CLTB: variants seen among roughly 807,000 people sequenced by gnomAD.
CLTB encodes the protein clathrin light chain B, also known as clathrin, light chain (Lcb).
Under a neutral mutation model 30.5 loss-of-function variants are expected in CLTB, and 10 were observed. The ratio of observed to expected loss-of-function variants is 0.33; its 90% CI spans 0.20 to 0.56. The LOEUF (loss-of-function observed/expected upper bound fraction) is 0.56, where lower values mean the gene tolerates loss of function less well. Ranked by LOEUF, CLTB falls within the 20% of genes least tolerant of loss-of-function variation. The pLI is 0.91. For missense variants in CLTB, 261 were observed against 308.3 expected (o/e 0.85, Z 1.15); for synonymous variants, 102 against 120.3 (o/e 0.85, Z 1.00).
intron 2 of CLTB, among the ~76,000 whole-genome samples, chr5:176,407,363 T>TG (rs1456250477): frequency 1.3e-5 from 2 of 152,194 alleles, no homozygotes; most frequent in Non-Finnish European, 2.9e-5. Context: ...TGGAGTGCAG[T>TG]GTGCGATCTC....
At chr5:176,408,750 G>A (rs1285319214) in intron 2 of CLTB, among the ~76,000 whole-genome samples, 1 of 152,168 alleles carries the variant, frequency 6.6e-6, no homozygotes, top group Non-Finnish European at 1.5e-5. Context: ...CAAACTCCTG[G>A]ATTCACATGA....
At chr5:176,401,760 G>A (rs1171166153) in intron 2 of CLTB, 13 of 456,086 alleles carry the variant, frequency 2.9e-5, no homozygotes, top group East Asian at 6.9e-5. Flanking sequence ...TGAAAACAGC[G>A]ACACTGAACA....
chr5:176,414,273 A>C (rs1757585495), intron 1 of CLTB, among the ~76,000 whole-genome samples: 1 of 152,072 alleles, frequency 6.6e-6, no homozygotes, highest in Non-Finnish European at 1.5e-5. Context: ...TGGGGCAGGC[A>C]TTTCTTAGGA....
At chr5:176,395,369 G>A (rs761602643) in intron 5 of CLTB, among the ~76,000 whole-genome samples, 3 of 152,216 alleles carry the variant, frequency 2.0e-5, no homozygotes, top group Non-Finnish European at 4.4e-5. Flanking sequence ...TGAGCACGGT[G>A]AGGGGGGCGG....
Position 176,393,025 on chromosome 5 carries a change from G to C in CLTB, c.519-80C>G. 3.3e-6 allele frequency: 5 copies of C among 1,507,542 alleles called. No homozygotes were observed. The South Asian group carries it at 5.8e-5, about 17-fold the overall frequency. 93.4% of individuals were successfully genotyped at this position (1,507,542 alleles called of 1,614,324 possible). ...CCCTTGAGCAAGGCTGCTTTGCCCAGCCTACTCTGGGGCACTGTGTCCTCC... is the reference window on the plus strand; with the variant it reads ...CCCTTGAGCAAGGCTGCTTTGCCCACCCTACTCTGGGGCACTGTGTCCTCC... On this transcript the variant is annotated intron_variant, in intron 5 of 5. Transcript: ENST00000310418. This position sits in a 1 kb window ranked among gnomAD's most constrained non-coding sequence, Gnocchi z 4.4.
chr5:176,413,345 C>A (rs370956640), intron 1 of CLTB, among the ~76,000 whole-genome samples: 1 of 152,214 alleles, frequency 6.6e-6, no homozygotes, highest in East Asian at 1.9e-4. Context: ...TGGGCTTGCC[C>A]AGAACTGACA....
At chr5:176,414,624 G>A (rs750228317) in intron 1 of CLTB, among the ~76,000 whole-genome samples, 4 of 152,028 alleles carry the variant, frequency 2.6e-5, no homozygotes, top group Non-Finnish European at 5.9e-5. Context: ...TGTATGTTTT[G>A]TAGAGATGGG....
In CLTB at chr5:176,392,862, A is replaced by C. The variant is rs1299982666; in HGVS notation, c.602T>G (p.Phe201Cys). Residue 201 changes from phenylalanine (F) to cysteine (C), a missense_variant, in exon 6 of 6, where the codon TTC becomes TGC. Physicochemically the swap from Phe to Cys is radical, Grantham distance 205. Around this residue, in one of 3 missense-constraint regions of CLTB, gnomAD observed 25 missense variants for 48.8 expected, o/e 0.51. Coordinates refer to ENST00000310418, the MANE Select transcript of CLTB (RefSeq NM_007097.5). The surrounding 1 kb of genome is among the most constrained non-coding windows in gnomAD (Gnocchi z 5.2). ...EWEKVAQLCD[F>C]NPKSSKQCKD... ...GCACTGCTTGCTGCTCTTGGGGTTG[A>C]AGTCACATAGCTGGGCCACCTTCTC... The C allele has an allele frequency of 6.2e-7, 1 of 1,614,168 alleles. No individual in the cohort carries two copies. Among genetic ancestry groups the C allele is most frequent in the Non-Finnish European group, 8.5e-7 (1 of 1,180,010 alleles).
intron 2 of CLTB, among the ~76,000 whole-genome samples, chr5:176,403,747 C>G (rs1017792272): frequency 6.6e-6 from 1 of 150,886 alleles, no homozygotes; most frequent in East Asian, 2.0e-4. Flanking sequence ...CCACGGTGCC[C>G]GGCCTGTTTT....
At chr5:176,405,324 A>G (rs1269902443) in intron 2 of CLTB, among the ~76,000 whole-genome samples, 19 of 151,964 alleles carry the variant, frequency 1.3e-4, no homozygotes, top group Admixed American at 1.2e-3. Flanking sequence ...CCACATCTCC[A>G]TAAAAAAATT....
intron 2 of CLTB, among the ~76,000 whole-genome samples, chr5:176,400,083 C>A (rs1322919165): frequency 6.6e-6 from 1 of 150,800 alleles, no homozygotes; most frequent in Non-Finnish European, 1.5e-5. Context: ...CCCACCTACT[C>A]GGGAGGCTGA....
At chr5:176,410,421 C>G in intron 1 of CLTB, 118 bp from the exon 2 acceptor site, 1 of 728,726 alleles carries the variant, frequency 1.4e-6, no homozygotes, top group Non-Finnish European at 2.4e-6. Flanking sequence ...TATCGACCCA[C>G]ATGCAAACAG....
chr5:176,393,550 G>A lies in CLTB; in HGVS notation c.519-605C>T, dbSNP rs543442706. On this transcript the variant is annotated intron_variant, in intron 5 of 5. Transcript: ENST00000310418. The surrounding 1 kb of genome is among the most constrained non-coding windows in gnomAD (Gnocchi z 4.4). ...AAGCCTTTCATGTGCTGTGTGCGTCGTGACCCTCCAAGGTGTGTATGTGAT... is the reference window on the plus strand; with the variant it reads ...AAGCCTTTCATGTGCTGTGTGCGTCATGACCCTCCAAGGTGTGTATGTGAT... 3.3e-5 allele frequency among the ~76,000 whole-genome samples: 5 copies of A among 152,232 alleles called. No homozygotes were observed. The highest frequency in any genetic ancestry group is 4.8e-5 in the African/African-American group (2 of 41,532).
chr5:176,402,962 G>A (rs898556688), intron 2 of CLTB, among the ~76,000 whole-genome samples: 2 of 152,198 alleles, frequency 1.3e-5, no homozygotes, highest in African/African-American at 4.8e-5. Flanking sequence ...CCAGATGTGG[G>A]AGGAGAGGAG....
intron 2 of CLTB, among the ~76,000 whole-genome samples, chr5:176,409,710 G>A (rs1337538915): frequency 3.3e-5 from 5 of 151,860 alleles, no homozygotes; most frequent in South Asian, 2.1e-4. Flanking sequence ...CACTGCACCC[G>A]GCCCTGATTG....
intron 2 of CLTB, among the ~76,000 whole-genome samples, chr5:176,402,560 T>G (rs1756878565): frequency 7.3e-6 from 1 of 137,730 alleles, no homozygotes; most frequent in Non-Finnish European, 1.5e-5. Context: ...GTTTACCTGT[T>G]TATTTTCTGT....
rs1757366253 is a variant in CLTB at position 176,410,426 on chromosome 5, A to T, written c.188-123T>A. On this transcript the variant is annotated intron_variant, in intron 1 of 5. Coordinates refer to ENST00000310418, the MANE Select transcript of CLTB (RefSeq NM_007097.5). ...CCCATGTATATATCGACCCACATGCAAACAGACATAATGGATATATATATA... is the reference window on the plus strand; with the variant it reads ...CCCATGTATATATCGACCCACATGCTAACAGACATAATGGATATATATATA... The T allele has an allele frequency of 4.3e-6, 3 of 691,754 alleles. No individual in the cohort carries two copies. In the African/African-American group the frequency reaches 5.4e-5, roughly 12 times the overall value. The allele number at this position is 691,754 out of a possible 1,614,324, so 42.9% of individuals were successfully genotyped here. A position where few individuals can be genotyped will look rare whatever the true frequency, so the allele number is the denominator to read the frequency against.
intron 1 of CLTB, among the ~76,000 whole-genome samples, chr5:176,414,651 C>T (rs1757606983): frequency 6.6e-6 from 1 of 152,104 alleles, no homozygotes; most frequent in African/African-American, 2.4e-5. Flanking sequence ...CCATGTTGCC[C>T]AGGCTCCACA....
Position 176,397,987 on chromosome 5 carries a change from C to T in CLTB, c.295G>A (p.Glu99Lys). ...CGCCACTTGCGGATGCTCTCAGGCT[C>T]CTGGGTCAGCCTGTCAGCCTGGGCA... ...AIAQADRLTQ[E>K]PESIRKWREE... The change falls in exon 3 of 6, where the codon GAG (glutamate) becomes AAG (lysine). Residue 99 changes from glutamate (E) to lysine (K), a missense_variant. Glu to Lys is a moderately conservative substitution (Grantham distance 56). Around this residue, in one of 3 missense-constraint regions of CLTB, gnomAD observed 123 missense variants for 157.0 expected, o/e 0.78. Coordinates refer to ENST00000310418, the MANE Select transcript of CLTB (RefSeq NM_007097.5). 1.9e-6 allele frequency: 3 copies of T among 1,614,140 alleles called. No homozygotes were observed. Among genetic ancestry groups the T allele is most frequent in the Non-Finnish European group, 2.5e-6 (3 of 1,180,056 alleles).
Sources: allele counts gnomAD v4.1 joint callset (sites outside exome capture counted in the v4.1 genomes callset), GRCh38; gene constraint gnomAD v4.1.1; regional missense constraint gnomAD v4.1.1; non-coding constraint Gnocchi (gnomAD v3.1); transcripts MANE v1.5; gene names NCBI Gene and HGNC (gene_info 2026-07-23, HGNC 2026-07-21).